The following GLYATL1 variants were observed in gnomAD, a reference collection of about 807,000 sequenced individuals.
GLYATL1 encodes glycine N-acyltransferase-like protein 1.
GLYATL1 carries 15 observed loss-of-function variants against 20.0 expected under a neutral mutation model. That is an observed-to-expected ratio of 0.75 (90% CI 0.50 to 1.15). The LOEUF (loss-of-function observed/expected upper bound fraction) is 1.15, where lower values mean the gene tolerates loss of function less well. Among genes scored for constraint, GLYATL1 ranks in the 50% most tolerant of loss-of-function variants. The pLI is 0.00. For synonymous variants in GLYATL1, 151 were observed against 131.5 expected, an observed-to-expected ratio of 1.15 and a Z score of -1.01; for missense variants, 380 against 368.5, an observed-to-expected ratio of 1.03 and a Z score of -0.26.
At chr11:58,939,325 G>C (rs1486157111), upstream of GLYATL1, 1 of 152,172 alleles carries the variant, frequency 6.6e-6, no homozygotes, top group Non-Finnish European at 1.5e-5. Flanking sequence ...AGACGGATTT[G>C]AGACCGAGCT....
Position 58,943,592 on chromosome 11 carries a change from C to T in GLYATL1, c.-117C>T, listed in dbSNP as rs748414797. 3.1e-6 allele frequency: 5 copies of T among 1,613,456 alleles called. No homozygotes were observed. Among genetic ancestry groups the T allele is most frequent in the Admixed American group, 1.7e-5 (1 of 59,932 alleles). On this transcript the variant is annotated 5_prime_UTR_variant, in exon 2 of 7. Coordinates refer to ENST00000532726, the MANE Select transcript of GLYATL1 (RefSeq NM_001389712.2). ...GTGGAGCTTCTAGTATCCCCAGGAGCGCGAAGTGAACACGGAAGGTACCTG... is the reference window on the plus strand; with the variant it reads ...GTGGAGCTTCTAGTATCCCCAGGAGTGCGAAGTGAACACGGAAGGTACCTG...
At chr11:58,928,694 C>G (rs1046516187) in intron 1 of GLYATL1, 2 of 152,210 alleles carry the variant, frequency 1.3e-5, no homozygotes, top group Admixed American at 6.5e-5. Flanking sequence ...GTCACTGCAG[C>G]TTGCCCTGAG....
intron 1 of GLYATL1, among the ~76,000 whole-genome samples, chr11:58,918,018 A>C (rs760914697): frequency 2.1e-4 from 32 of 152,174 alleles, no homozygotes; most frequent in Non-Finnish European, 4.3e-4. Context: ...CTTCCTATAA[A>C]TGGAATTTAA....
intron 4 of GLYATL1, among the ~76,000 whole-genome samples, chr11:58,949,831 G>T (rs1313152396): frequency 6.6e-6 from 1 of 151,920 alleles, no homozygotes; most frequent in Non-Finnish European, 1.5e-5. Context: ...GGATGCAGGA[G>T]AATTTATCTA....
chr11:58,908,438 AAGTT>A (rs1854962310), exon 2 of GLYATL1: 1 of 174,472 alleles, frequency 5.7e-6, no homozygotes, highest in African/African-American at 2.4e-5. Context: ...CCACTAGTAG[AAGTT>A]AGTTATATTG....
chr11:58,912,653 C>T (rs144637218), downstream of GLYATL1, among the ~76,000 whole-genome samples: 185 of 152,246 alleles, frequency 1.2e-3, 1 homozygote, highest in African/African-American at 4.2e-3. Flanking sequence ...ACTTTATTTA[C>T]GTCTTATGGG....
chr11:58,911,442 G>T (rs149983960), downstream of GLYATL1, among the ~76,000 whole-genome samples: 1 of 152,098 alleles, frequency 6.6e-6, no homozygotes, highest in Non-Finnish European at 1.5e-5. Context: ...TTGCATCCTC[G>T]CTACCAATGT....
At chr11:58,919,036 A>C (rs1478373279) in intron 1 of GLYATL1, among the ~76,000 whole-genome samples, 2 of 152,194 alleles carry the variant, frequency 1.3e-5, no homozygotes, top group Admixed American at 1.3e-4. Context: ...GATGGGGCCC[A>C]TCCCATATGG....
At position 58,955,895 on chromosome 11, in the gene GLYATL1, T is replaced by A; in HGVS notation, c.777T>A (p.Asn259Lys). ...VRYMKYLRQK[N>K]IPFYISVLEE... is the part of the protein sequence containing the mutation. ...ACATGAAATATCTGCGTCAGAAGAA[T>A]ATTCCATTTTACATCTCTGTGTTGG... The change falls in exon 7 of 7, where the codon AAT becomes AAA. Residue 259 changes from asparagine (N) to lysine (K), a missense_variant. Coordinates refer to ENST00000532726, the MANE Select transcript of GLYATL1 (RefSeq NM_001389712.2). 2 of 1,614,198 alleles carry A rather than the reference T, an allele frequency of 1.2e-6. No homozygotes were observed. The highest frequency in any genetic ancestry group is 1.7e-6 in the Non-Finnish European group (2 of 1,180,030).
chr11:58,922,934 C>G (rs1855342977), upstream of GLYATL1, among the ~76,000 whole-genome samples: 1 of 152,170 alleles, frequency 6.6e-6, no homozygotes, highest in Admixed American at 6.5e-5. Flanking sequence ...GCCAGCCAGC[C>G]AACACTAAAA....
chr11:58,907,244 AC>A (rs750875426), exon 2 of GLYATL1: 37 of 456,098 alleles, frequency 8.1e-5, no homozygotes, highest in South Asian at 5.6e-4. Context: ...TCTGCAGGTC[AC>A]CCGCCAGGTT....
In GLYATL1 at chr11:58,949,300, G is replaced by A. The variant is rs868042218; in HGVS notation, c.186+1335G>A. 7.9e-5 allele frequency among the ~76,000 whole-genome samples: 12 copies of A among 152,270 alleles called. No individual in the cohort carries two copies. The East Asian group carries it at 1.4e-3, about 17-fold the overall frequency. On this transcript the variant is annotated intron_variant, in intron 4 of 6. Transcript: ENST00000532726. ...TAGTTTGCAAACTGGGTCAGGATTC[G>A]GATGCAGAAAGTGACAAAGTGACCC...
intron 1 of GLYATL1, among the ~76,000 whole-genome samples, chr11:58,920,384 G>T (rs1649999160): frequency 6.6e-6 from 1 of 152,168 alleles, no homozygotes; most frequent in Non-Finnish European, 1.5e-5. Context: ...GCTAGTCAGA[G>T]AACTCTTGTC....
At chr11:58,948,120 G>A (rs550389684) in intron 4 of GLYATL1, among the ~76,000 whole-genome samples, 155 bp downstream of exon 4, 24 of 152,252 alleles carry the variant, frequency 1.6e-4, no homozygotes, top group African/African-American at 5.3e-4. Flanking sequence ...TGAGTGCCAC[G>A]TGTTCCCACC....
chr11:58,933,131 C>A (rs541274549), intron 1 of GLYATL1, among the ~76,000 whole-genome samples: 1 of 152,244 alleles, frequency 6.6e-6, no homozygotes, highest in Admixed American at 6.5e-5. Context: ...AAGAGGGGCA[C>A]AATTAAATTT....
chr11:58,926,900 A>G (rs1341563599), upstream of GLYATL1, among the ~76,000 whole-genome samples: 5 of 152,226 alleles, frequency 3.3e-5, no homozygotes, highest in Non-Finnish European at 7.3e-5. Context: ...TCTGGAAAAC[A>G]GTCTTGAAAA....
chr11:58,905,920 C>T (rs757212762), intron 1 of GLYATL1, among the ~76,000 whole-genome samples: 2 of 152,218 alleles, frequency 1.3e-5, no homozygotes, highest in Non-Finnish European at 2.9e-5. Flanking sequence ...TGAGAGAAAA[C>T]AGCCTCCAGA....
At chr11:58,933,012 A>T (rs1272142971) in intron 1 of GLYATL1, among the ~76,000 whole-genome samples, 1 of 152,194 alleles carries the variant, frequency 6.6e-6, no homozygotes, top group African/African-American at 2.4e-5. Flanking sequence ...ATAGTTTTTT[A>T]AAAACACAGT....
At chr11:58,948,803 G>T (rs547896529) in intron 4 of GLYATL1, among the ~76,000 whole-genome samples, 1 of 152,206 alleles carries the variant, frequency 6.6e-6, no homozygotes, top group African/African-American at 2.4e-5. Flanking sequence ...TACAGATAAG[G>T]AAACAACATT....
Sources: allele counts gnomAD v4.1 joint callset (sites outside exome capture counted in the v4.1 genomes callset), GRCh38; gene constraint gnomAD v4.1.1; transcripts MANE v1.5; gene names NCBI Gene and HGNC (gene_info 2026-07-23, HGNC 2026-07-21).